MAML2: variants seen among roughly 807,000 people sequenced by gnomAD.
MAML2 encodes the protein mastermind-like protein 2.
Under a neutral mutation model 96.1 loss-of-function variants are expected in MAML2, and 22 were observed. The ratio of observed to expected loss-of-function variants is 0.23; its 90% CI spans 0.16 to 0.33. The LOEUF (loss-of-function observed/expected upper bound fraction) is 0.33. Ranked by LOEUF, MAML2 falls within the 10% of genes least tolerant of loss-of-function variation. The probability of loss-of-function intolerance (pLI) is 1.00; values close to 1 mark genes in which losing one functional copy is unlikely to be tolerated. For synonymous variants in MAML2, 561 were observed against 521.3 expected, an observed-to-expected ratio of 1.08 and a Z score of -1.04; for missense variants, 1,367 against 1,392.4, an observed-to-expected ratio of 0.98 and a Z score of 0.29.
At chr11:96,319,304 T>C (rs916119519) in intron 1 of MAML2, among the ~76,000 whole-genome samples, 7 of 152,186 alleles carry the variant, frequency 4.6e-5, no homozygotes, top group African/African-American at 1.7e-4. Context: ...TGCCATCTCA[T>C]GAGAGATCCT....
At chr11:96,120,385 G>C (rs1488346281) in intron 1 of MAML2, among the ~76,000 whole-genome samples, 1 of 152,116 alleles carries the variant, frequency 6.6e-6, no homozygotes, top group Non-Finnish European at 1.5e-5. Context: ...TGCTTCTTTG[G>C]GAAGTTGAGA....
intron 1 of MAML2, among the ~76,000 whole-genome samples, chr11:96,121,178 C>T (rs1860334561): frequency 6.6e-6 from 1 of 152,176 alleles, no homozygotes; most frequent in Admixed American, 6.5e-5. Context: ...TCCGCACCAG[C>T]CTTGAAGAGA....
chr11:96,137,245 G>C (rs966132181), intron 1 of MAML2, among the ~76,000 whole-genome samples: 1 of 152,182 alleles, frequency 6.6e-6, no homozygotes, highest in Non-Finnish European at 1.5e-5. Flanking sequence ...ATATTGACTG[G>C]AAACCGAATT....
chr11:96,092,019 G>A lies in MAML2; in HGVS notation c.2012C>T (p.Ala671Val), dbSNP rs1319263952. 1 of 1,568,906 alleles carries A rather than the reference G, an allele frequency of 6.4e-7. No individual in the cohort carries two copies. The highest frequency in any genetic ancestry group is 1.2e-5 in the South Asian group (1 of 85,482). Reference protein sequence around the residue: ...QQQQQPSSQPAQSLPSQPLLR... With the variant: ...QQQQQPSSQPVQSLPSQPLLR... ...CAAAGGCTGGCTTGGTAGAGATTGG[G>A]CAGGCTGAGAAGATGGTTGTTGCTG... The change falls in exon 2 of 5, where the codon GCC becomes GTC. Residue 671 changes from alanine to valine, a missense_variant. By Grantham distance (64) the Ala-to-Val change is moderately conservative (BLOSUM62 0). Coordinates refer to ENST00000524717, the MANE Select transcript of MAML2 (RefSeq NM_032427.4). The surrounding 1 kb of genome is among the most constrained non-coding windows in gnomAD (Gnocchi z 4.1).
intron 1 of MAML2, among the ~76,000 whole-genome samples, chr11:96,280,044 A>G (rs538943950): frequency 6.6e-6 from 1 of 152,160 alleles, no homozygotes; most frequent in Non-Finnish European, 1.5e-5. Context: ...ATATTTTTAT[A>G]TAGCTCCATA....
chr11:96,311,454 T>C (rs567017663), intron 1 of MAML2, among the ~76,000 whole-genome samples: 1 of 152,224 alleles, frequency 6.6e-6, no homozygotes, highest in Non-Finnish European at 1.5e-5. Flanking sequence ...GAAATATGAA[T>C]GCACAATTCA....
chr11:96,123,020 A>T (rs1407782244), intron 1 of MAML2, among the ~76,000 whole-genome samples: 1 of 152,204 alleles, frequency 6.6e-6, no homozygotes, highest in African/African-American at 2.4e-5. Context: ...ATTCAAAACC[A>T]TTCAATGCTG....
intron 1 of MAML2, among the ~76,000 whole-genome samples, chr11:96,156,816 T>G (rs747812192): frequency 8.5e-5 from 13 of 152,184 alleles, no homozygotes; most frequent in Non-Finnish European, 1.9e-4. Flanking sequence ...AAAGCAAACC[T>G]AGGTCTCTTT....
At chr11:96,177,487 C>T (rs1430779845) in intron 1 of MAML2, among the ~76,000 whole-genome samples, 2 of 152,126 alleles carry the variant, frequency 1.3e-5, no homozygotes, top group African/African-American at 4.8e-5. Flanking sequence ...GACAACCGTC[C>T]AAGTGACAGG....
At chr11:96,048,789 C>T (rs970170004) in intron 2 of MAML2, among the ~76,000 whole-genome samples, 2 of 151,976 alleles carry the variant, frequency 1.3e-5, no homozygotes, top group African/African-American at 4.8e-5. Flanking sequence ...ATATTTTTTC[C>T]ATCCTTCATG....
At chr11:96,011,620 T>G (rs76682411) in intron 2 of MAML2, among the ~76,000 whole-genome samples, 3 of 152,160 alleles carry the variant, frequency 2.0e-5, no homozygotes, top group African/African-American at 7.2e-5. Context: ...TTGGGTACTA[T>G]GTTCACTATT....
intron 1 of MAML2, among the ~76,000 whole-genome samples, chr11:96,200,621 G>C (rs879780356): frequency 3.9e-5 from 6 of 152,192 alleles, no homozygotes; most frequent in Non-Finnish European, 5.9e-5. Context: ...ATTTCCTTCA[G>C]GTCATGGCTA....
At chr11:96,088,716 C>G (rs1405080329) in intron 2 of MAML2, among the ~76,000 whole-genome samples, 1 of 152,108 alleles carries the variant, frequency 6.6e-6, no homozygotes, top group Admixed American at 6.5e-5. Flanking sequence ...AAACATGGAG[C>G]AATAAGGATT....
rs199731036 is a variant in MAML2, at chr11:96,092,863, C to T, written c.1168G>A (p.Ala390Thr). 2.4e-5 allele frequency: 39 copies of T among 1,604,828 alleles called. No homozygotes were observed. Among genetic ancestry groups the T allele is most frequent in the Non-Finnish European group, 2.8e-5 (33 of 1,174,962 alleles). ...PQLRPPSAGP[A>T]FSMANSALST... is the part of the protein sequence containing the mutation. ...AGGGCAGAGTTGGCCATGGAGAATG[C>T]GGGGCCAGCTGATGGGGGCCTCAGC... is the stretch of plus-strand genomic sequence containing the variant. Residue 390 changes from alanine to threonine, a missense_variant, in exon 2 of 5, where the codon GCA becomes ACA. Transcript: ENST00000524717. This position sits in a 1 kb window ranked among gnomAD's most constrained non-coding sequence, Gnocchi z 4.1.
At chr11:96,217,346 G>A (rs1236904822) in intron 1 of MAML2, among the ~76,000 whole-genome samples, 1 of 152,206 alleles carries the variant, frequency 6.6e-6, no homozygotes, top group Non-Finnish European at 1.5e-5. Context: ...AATAGGACAT[G>A]GTGACTGTCA....
At chr11:95,985,157 A>C (rs1035055201) in intron 4 of MAML2, among the ~76,000 whole-genome samples, 1 of 152,238 alleles carries the variant, frequency 6.6e-6, no homozygotes. Flanking sequence ...GTGGATACAA[A>C]AAGACTAGGA....
intron 1 of MAML2, among the ~76,000 whole-genome samples, chr11:96,165,861 T>A (rs1861180603): frequency 6.6e-6 from 1 of 152,180 alleles, no homozygotes; most frequent in South Asian, 2.1e-4. Context: ...TTCTTTGACA[T>A]CAATTGAGGT....
intron 2 of MAML2, among the ~76,000 whole-genome samples, chr11:96,037,473 A>T (rs976060577): frequency 1.3e-5 from 2 of 152,234 alleles, no homozygotes; most frequent in African/African-American, 4.8e-5. Flanking sequence ...TTGCAAATTT[A>T]GCCCTGTTAC....
intron 1 of MAML2, among the ~76,000 whole-genome samples, chr11:96,153,909 C>T (rs533322022): frequency 4.2e-4 from 49 of 116,996 alleles, no homozygotes; most frequent in Admixed American, 2.5e-3. Flanking sequence ...AAGACTCCGT[C>T]TCAATAAATA....
Sources: allele counts gnomAD v4.1 joint callset (sites outside exome capture counted in the v4.1 genomes callset), GRCh38; gene constraint gnomAD v4.1.1; non-coding constraint Gnocchi (gnomAD v3.1); transcripts MANE v1.5; gene names NCBI Gene and HGNC (gene_info 2026-07-23, HGNC 2026-07-21).